Variants in AEBP2 observed in about 807,000 individuals in gnomAD.
AEBP2 encodes the protein AE binding protein 2.
In AEBP2, 10 loss-of-function variants were observed where a neutral mutation model predicts 50.8. That is an observed-to-expected ratio of 0.20 (90% CI 0.12 to 0.33). The LOEUF (loss-of-function observed/expected upper bound fraction) is 0.33. Among genes scored for constraint, AEBP2 ranks in the 10% least tolerant of loss-of-function variants. The probability of loss-of-function intolerance (pLI) is 1.00; values close to 1 mark genes in which losing one functional copy is unlikely to be tolerated. For missense variants in AEBP2, 570 were observed against 688.0 expected (o/e 0.83, Z 1.92); for synonymous variants, 296 against 261.3 (o/e 1.13, Z -1.28).
At chr12:19,409,451 T>C (rs2095738127) in intron 1 of AEBP2, among the ~76,000 whole-genome samples, 1 of 151,906 alleles carries the variant, frequency 6.6e-6, no homozygotes, top group Non-Finnish European at 1.5e-5. Flanking sequence ...AACCTCAGAA[T>C]CATATTTTTT....
chr12:19,455,406 T>C (rs1948250664), intron 1 of AEBP2, among the ~76,000 whole-genome samples: 1 of 152,224 alleles, frequency 6.6e-6, no homozygotes, highest in Admixed American at 6.5e-5. Flanking sequence ...TCAGAAACCA[T>C]GTTAGTGAAC....
At chr12:19,417,634 T>G (rs1271661164) in intron 1 of AEBP2, among the ~76,000 whole-genome samples, 1 of 151,544 alleles carries the variant, frequency 6.6e-6, no homozygotes, top group Non-Finnish European at 1.5e-5. Flanking sequence ...TCTCGAACTC[T>G]TGGCCTCAAG....
intron 1 of AEBP2, chr12:19,456,469 C>T (rs1336182823): frequency 2.0e-6 from 3 of 1,470,356 alleles, no homozygotes; most frequent in African/African-American, 2.8e-5. Context: ...TTAGGGCCAT[C>T]TTCCAGCTTT....
chr12:19,419,416 C>T (rs901591059), intron 1 of AEBP2, among the ~76,000 whole-genome samples: 8 of 151,836 alleles, frequency 5.3e-5, no homozygotes, highest in African/African-American at 1.7e-4. Context: ...AGTGAAACCC[C>T]GTCTCTACTA....
chr12:19,426,111 T>C (rs973510723), intron 1 of AEBP2, among the ~76,000 whole-genome samples: 8 of 152,108 alleles, frequency 5.3e-5, no homozygotes, highest in Admixed American at 1.3e-4. Flanking sequence ...AATTTTTATA[T>C]TTTTTGTAGA....
chr12:19,462,427 G>A, intron 1 of AEBP2, 83 bp from the exon 2 acceptor site: 2 of 1,151,192 alleles, frequency 1.7e-6, no homozygotes, highest in Non-Finnish European at 2.5e-6. Context: ...ATGTCAAGTG[G>A]TAATCTTAAT....
chr12:19,454,487 T>C (rs1293691724), intron 1 of AEBP2, among the ~76,000 whole-genome samples: 1 of 152,210 alleles, frequency 6.6e-6, no homozygotes, highest in Non-Finnish European at 1.5e-5. Context: ...TGAATGAAGA[T>C]GTGAAGGCTT....
intron 1 of AEBP2, among the ~76,000 whole-genome samples, chr12:19,409,075 A>G (rs906406380): frequency 6.6e-6 from 1 of 152,106 alleles, no homozygotes; most frequent in Non-Finnish European, 1.5e-5. Context: ...AAATTGGGCA[A>G]AGGAAGTCAG....
chr12:19,431,509 T>G (rs1345027356), intron 1 of AEBP2, among the ~76,000 whole-genome samples: 1 of 152,226 alleles, frequency 6.6e-6, no homozygotes, highest in African/African-American at 2.4e-5. Context: ...GCCTATCTTT[T>G]TATCTGAAGT....
chr12:19,491,469 C>T (rs904908921), intron 3 of AEBP2, among the ~76,000 whole-genome samples: 6 of 152,244 alleles, frequency 3.9e-5, no homozygotes, highest in African/African-American at 1.4e-4. Flanking sequence ...CATATAGAAG[C>T]TCTTTTAGTG....
At chr12:19,412,339 G>A (rs992640860) in intron 1 of AEBP2, among the ~76,000 whole-genome samples, 3 of 152,048 alleles carry the variant, frequency 2.0e-5, no homozygotes, top group African/African-American at 7.2e-5. Context: ...GTGCAGTGGT[G>A]TGATCTTAGT....
upstream of AEBP2, among the ~76,000 whole-genome samples, chr12:19,438,725 T>C (rs144736436): frequency 1.3e-5 from 2 of 152,310 alleles, no homozygotes; most frequent in East Asian, 3.9e-4. Flanking sequence ...TAAAATATAT[T>C]ACTAGGATAA....
At chr12:19,460,891 T>G (rs1007985949) in intron 1 of AEBP2, among the ~76,000 whole-genome samples, 1 of 151,984 alleles carries the variant, frequency 6.6e-6, no homozygotes, top group African/African-American at 2.4e-5. Context: ...CCTGATCTTG[T>G]GATCTGCCTG....
intron 5 of AEBP2, among the ~76,000 whole-genome samples, chr12:19,506,071 C>T (rs747253313): frequency 3.3e-5 from 5 of 151,640 alleles, no homozygotes; most frequent in African/African-American, 1.2e-4. Flanking sequence ...AGTGAGCCAC[C>T]GTGCCTGGCC....
At chr12:19,473,633 T>C (rs1948604777) in intron 3 of AEBP2, among the ~76,000 whole-genome samples, 1 of 152,146 alleles carries the variant, frequency 6.6e-6, no homozygotes, top group South Asian at 2.1e-4. Flanking sequence ...CTTGAACTCT[T>C]GACCTCAGGT....
At position 19,473,369 on chromosome 12, in the gene AEBP2, T is replaced by C. The variant is rs565267420; in HGVS notation, c.987+14T>C. The C allele has an allele frequency of 2.5e-5, 24 of 953,452 alleles. 1 individual carries two copies. In the East Asian group the frequency reaches 6.1e-4, roughly 24 times the overall value. The allele number at this position is 953,452 out of a possible 1,614,324, so 59.1% of individuals were successfully genotyped here. A position where few individuals can be genotyped will look rare whatever the true frequency, so the allele number is the denominator to read the frequency against. On this transcript the variant is annotated intron_variant, in intron 3 of 7. Transcript: ENST00000266508. ...AAACCTTTCAAGGTAAGGATGCATG[T>C]ATATAAAATTTATTTATTTATTTAT...
chr12:19,465,358 C>T (rs1948454817), intron 2 of AEBP2, among the ~76,000 whole-genome samples: 2 of 151,870 alleles, frequency 1.3e-5, no homozygotes, highest in African/African-American at 4.8e-5. Flanking sequence ...CACGCCACTG[C>T]ACTCCAGCCT....
chr12:19,473,954 G>A, intron 3 of AEBP2, among the ~76,000 whole-genome samples: 1 of 151,918 alleles, frequency 6.6e-6, no homozygotes, highest in East Asian at 1.9e-4. Context: ...AGCCATGTTG[G>A]TTTTTTTTAA....
chr12:19,445,998 C>G (rs987191912), intron 1 of AEBP2: 1 of 152,138 alleles, frequency 6.6e-6, no homozygotes, highest in African/African-American at 2.4e-5. Flanking sequence ...GTGCAGGGGC[C>G]ATGCTCATTT....
Sources: gnomAD v4.1 joint callset for allele counts (sites outside exome capture counted in the v4.1 genomes callset) on GRCh38, gnomAD v4.1.1 for gene constraint, MANE v1.5 for transcripts, NCBI Gene and HGNC (gene_info 2026-07-23, HGNC 2026-07-21) for gene names.